Variants in PEX5L observed in about 807,000 individuals in gnomAD.
PEX5L encodes PEX5-related protein.
Under a neutral mutation model 84.0 loss-of-function variants are expected in PEX5L, and 30 were observed. The observed-to-expected ratio is 0.36, with a 90% CI of 0.27 to 0.48. The LOEUF (loss-of-function observed/expected upper bound fraction) is 0.48, where lower values mean the gene tolerates loss of function less well. Among genes scored for constraint, PEX5L ranks in the 20% least tolerant of loss-of-function variants. The pLI is 0.99. For missense variants in PEX5L, 533 were observed against 754.6 expected (o/e 0.71, Z 3.44); for synonymous variants, 270 against 283.1 (o/e 0.95, Z 0.46).
At chr3:179,823,231 C>T (rs546651974) in intron 8 of PEX5L, among the ~76,000 whole-genome samples, 1 of 152,334 alleles carries the variant, frequency 6.6e-6, no homozygotes, top group East Asian at 1.9e-4. Context: ...CATCTTCCTT[C>T]TCTTCATTTA....
chr3:180,024,923 G>A (rs1227114592), intron 1 of PEX5L, among the ~76,000 whole-genome samples: 1 of 152,144 alleles, frequency 6.6e-6, no homozygotes, highest in Non-Finnish European at 1.5e-5. Flanking sequence ...CAGAACTTTA[G>A]AGGAATGGCT....
At chr3:179,854,472 C>T (rs1743144965) in intron 8 of PEX5L, among the ~76,000 whole-genome samples, 1 of 152,108 alleles carries the variant, frequency 6.6e-6, no homozygotes, top group Admixed American at 6.5e-5. Flanking sequence ...TTGGAGCCTG[C>T]ATTCTTATAA....
intron 12 of PEX5L, 135 bp downstream of exon 12, chr3:179,809,336 C>A: frequency 1.5e-6 from 1 of 667,854 alleles, no homozygotes; most frequent in East Asian, 2.6e-5. Flanking sequence ...AGTGATGCTC[C>A]TCCAGCAGAA....
At chr3:180,006,560 C>A (rs1041354628) in intron 1 of PEX5L, among the ~76,000 whole-genome samples, 1 of 152,080 alleles carries the variant, frequency 6.6e-6, no homozygotes, top group African/African-American at 2.4e-5. Context: ...TCTTTTGGTA[C>A]CATTTCTTGT....
Position 179,797,152 on chromosome 3 carries a change from T to C in PEX5L, c.*4676A>G, listed in dbSNP as rs895984505. On this transcript the variant is annotated 3_prime_UTR_variant, in exon 15 of 15. Coordinates refer to ENST00000467460, the MANE Select transcript of PEX5L (RefSeq NM_016559.3). ...AGTAGCATTCAGACACTTGGATTTGTTTAAGTTTGGGATCTGTTGTGCCTC... is the reference window on the plus strand; with the variant it reads ...AGTAGCATTCAGACACTTGGATTTGCTTAAGTTTGGGATCTGTTGTGCCTC... The C allele has an allele frequency of 6.6e-6, 1 of 152,178 alleles. No individual in the cohort carries two copies. Among genetic ancestry groups the C allele is most frequent in the Non-Finnish European group, 1.5e-5 (1 of 68,024 alleles). 9.4% of individuals were successfully genotyped at this position (152,178 alleles called of 1,614,324 possible). A position where few individuals can be genotyped will look rare whatever the true frequency, so the allele number is the denominator to read the frequency against.
chr3:179,863,277 G>A (rs1190914188), intron 7 of PEX5L, among the ~76,000 whole-genome samples: 1 of 151,148 alleles, frequency 6.6e-6, no homozygotes, highest in Non-Finnish European at 1.5e-5. Flanking sequence ...CACTAGTCTG[G>A]GCAAAGAATT....
chr3:179,813,092 C>T (rs553828370), intron 10 of PEX5L, among the ~76,000 whole-genome samples: 78 of 152,262 alleles, frequency 5.1e-4, no homozygotes, highest in South Asian at 1.2e-3. Context: ...CAGACAGCAA[C>T]CTCTATTTTG....
chr3:179,993,315 T>G (rs1265924700), intron 1 of PEX5L, among the ~76,000 whole-genome samples: 1 of 152,166 alleles, frequency 6.6e-6, no homozygotes, highest in Non-Finnish European at 1.5e-5. Context: ...ATTGAGTTTT[T>G]GATAAATACA....
At chr3:179,814,478 T>C (rs759245376) in intron 10 of PEX5L, among the ~76,000 whole-genome samples, 39 of 152,336 alleles carry the variant, frequency 2.6e-4, no homozygotes, top group Admixed American at 9.1e-4. Context: ...GCAGTTGGGA[T>C]AGCACAGCCT....
intron 1 of PEX5L, among the ~76,000 whole-genome samples, chr3:179,999,861 T>C (rs66810269): frequency 0.17 from 25,552 of 152,064 alleles, 2,959 homozygotes; most frequent in African/African-American, 0.33. Flanking sequence ...ATTGACAGAA[T>C]TGTGGAGTGG....
intron 1 of PEX5L, among the ~76,000 whole-genome samples, chr3:180,034,025 A>G (rs1182933916): frequency 6.6e-6 from 1 of 152,244 alleles, no homozygotes; most frequent in Non-Finnish European, 1.5e-5. Flanking sequence ...TGAATTAGCC[A>G]TATGTATGAG....
intron 1 of PEX5L, among the ~76,000 whole-genome samples, chr3:180,035,654 C>A (rs1791839009): frequency 1.3e-5 from 2 of 152,050 alleles, no homozygotes; most frequent in South Asian, 4.2e-4. Flanking sequence ...AAGCAAAATC[C>A]TCAGTATTCA....
At chr3:179,831,275 G>C (rs1468990837) in intron 8 of PEX5L, among the ~76,000 whole-genome samples, 1 of 149,212 alleles carries the variant, frequency 6.7e-6, no homozygotes, top group African/African-American at 2.5e-5. Context: ...GATTGCACCA[G>C]TCCACTCCAA....
At chr3:179,814,463 C>A (rs1725253438) in intron 10 of PEX5L, among the ~76,000 whole-genome samples, 2 of 152,158 alleles carry the variant, frequency 1.3e-5, no homozygotes, top group East Asian at 3.9e-4. Context: ...GGGATCTGAA[C>A]CTATGCAGTT....
At chr3:179,833,605 A>G (rs532009296) in intron 8 of PEX5L, among the ~76,000 whole-genome samples, 13 of 152,190 alleles carry the variant, frequency 8.5e-5, no homozygotes, top group Non-Finnish European at 1.6e-4. Context: ...TCTGTTTAGA[A>G]ATAGAAGGTC....
At chr3:179,854,995 G>C (rs1022606947) in intron 8 of PEX5L, among the ~76,000 whole-genome samples, 2 of 152,196 alleles carry the variant, frequency 1.3e-5, no homozygotes, top group Non-Finnish European at 2.9e-5. Flanking sequence ...GCTAAAATTT[G>C]AATGTCAAGA....
chr3:179,915,317 T>C (rs1319099292), intron 2 of PEX5L, among the ~76,000 whole-genome samples: 2 of 152,250 alleles, frequency 1.3e-5, no homozygotes, highest in Non-Finnish European at 2.9e-5. Flanking sequence ...AATTTTACCG[T>C]GCAGTAGTGC....
chr3:179,843,144 A>G (rs2108346628), intron 8 of PEX5L, among the ~76,000 whole-genome samples: 1 of 152,332 alleles, frequency 6.6e-6, no homozygotes, highest in South Asian at 2.1e-4. Flanking sequence ...CTAAAAAAAG[A>G]ACTGATACTC....
At position 179,797,066 on chromosome 3, in the gene PEX5L, C is replaced by T. The variant is rs1166790897; in HGVS notation, c.*4762G>A. 1 of 151,942 alleles carries T rather than the reference C, an allele frequency of 6.6e-6. No individual in the cohort carries two copies. The highest frequency in any genetic ancestry group is 1.5e-5 in the Non-Finnish European group (1 of 67,930). 9.4% of individuals were successfully genotyped at this position (151,942 alleles called of 1,614,324 possible). On this transcript the variant is annotated 3_prime_UTR_variant, in exon 15 of 15. Transcript: ENST00000467460. Reference sequence around the variant, plus strand: ...AAACTTTTAGAAAAATTTTGAAATGCATTATTAAGAATTTAAAGTCGAAAC... The same window carrying T: ...AAACTTTTAGAAAAATTTTGAAATGTATTATTAAGAATTTAAAGTCGAAAC...
Sources: allele counts gnomAD v4.1 joint callset (sites outside exome capture counted in the v4.1 genomes callset), GRCh38; gene constraint gnomAD v4.1.1; transcripts MANE v1.5; gene names NCBI Gene and HGNC (gene_info 2026-07-23, HGNC 2026-07-21).